EVA1A: variants seen among roughly 807,000 people sequenced by gnomAD.
EVA1A encodes protein eva-1 homolog A.
EVA1A carries 7 observed loss-of-function variants against 9.8 expected under a neutral mutation model. The observed-to-expected ratio is 0.71, with a 90% CI of 0.41 to 1.34. The LOEUF is 1.34. EVA1A is among the 40% of genes most tolerant of loss of function. The probability of loss-of-function intolerance (pLI) is 0.01; values close to 1 mark genes in which losing one functional copy is unlikely to be tolerated. For missense variants in EVA1A, 206 were observed against 205.9 expected, an observed-to-expected ratio of 1.00 and a Z score of 0.00; for synonymous variants, 90 against 85.6, an observed-to-expected ratio of 1.05 and a Z score of -0.28.
chr2:75,507,801 T>A (rs546118577), intron 3 of EVA1A, among the ~76,000 whole-genome samples: 1 of 152,284 alleles, frequency 6.6e-6, no homozygotes, highest in East Asian at 1.9e-4. Flanking sequence ...CTATACCTGC[T>A]GATCAGAGCC....
At chr2:75,501,878 C>G (rs1674437793) in intron 3 of EVA1A, among the ~76,000 whole-genome samples, 2 of 152,186 alleles carry the variant, frequency 1.3e-5, no homozygotes, top group Non-Finnish European at 2.9e-5. Context: ...CACCATGAAG[C>G]CTTGAAGAGA....
At chr2:75,539,168 C>A (rs1375537863) in intron 1 of EVA1A, among the ~76,000 whole-genome samples, 1 of 152,112 alleles carries the variant, frequency 6.6e-6, no homozygotes, top group Non-Finnish European at 1.5e-5. Flanking sequence ...AAAGTTCAAC[C>A]AGGATATTAG....
At chr2:75,513,623 G>A (rs1312568041) in intron 3 of EVA1A, among the ~76,000 whole-genome samples, 2 of 152,154 alleles carry the variant, frequency 1.3e-5, no homozygotes, top group Admixed American at 6.5e-5. Context: ...GTCAAGAAAT[G>A]CAGACAACCA....
chr2:75,515,764 A>G (rs972543217), intron 3 of EVA1A, among the ~76,000 whole-genome samples: 2 of 152,188 alleles, frequency 1.3e-5, no homozygotes, highest in African/African-American at 4.8e-5. Context: ...CCGTCTTCCT[A>G]AAGAGTACAA....
intron 3 of EVA1A, among the ~76,000 whole-genome samples, chr2:75,508,216 A>T (rs906735932): frequency 2.0e-5 from 3 of 152,214 alleles, no homozygotes; most frequent in Non-Finnish European, 4.4e-5. Flanking sequence ...CCTTGAAAAA[A>T]GAACAGGATA....
chr2:75,554,902 T>C lies in EVA1A; in HGVS notation c.-192+5778A>G, dbSNP rs112733104. Among the ~76,000 whole-genome samples, 498 of 152,318 alleles carry C rather than the reference T, an allele frequency of 3.3e-3. 2 individuals carry two copies. Among genetic ancestry groups the C allele is most frequent in the African/African-American group, 0.01 (420 of 41,568 alleles). On this transcript the variant is annotated intron_variant, in intron 1 of 3. Transcript: ENST00000393913. ...CATATCTTCTCTGTCATGGCACTAA[T>C]CCACCACACTGTGTTGTCTGTTTTC...
At chr2:75,550,196 G>T (rs1676472769) in intron 1 of EVA1A, among the ~76,000 whole-genome samples, 1 of 152,126 alleles carries the variant, frequency 6.6e-6, no homozygotes, top group Non-Finnish European at 1.5e-5. Context: ...AAATGGCAGT[G>T]GTCAAATCCT....
At chr2:75,561,161 C>T (rs71418777), upstream of EVA1A, 54,810 of 151,976 alleles carry the variant, frequency 0.36, 10,166 homozygotes, top group African/African-American at 0.42. Context: ...GCCGACTGTC[C>T]GCAGGACCGG....
At chr2:75,555,684 A>T (rs61654699) in intron 1 of EVA1A, among the ~76,000 whole-genome samples, 9,192 of 152,132 alleles carry the variant, frequency 0.06, 936 homozygotes, top group African/African-American at 0.21. Flanking sequence ...CTGAGCTTTA[A>T]ATGCCCACTC....
intron 1 of EVA1A, among the ~76,000 whole-genome samples, chr2:75,527,292 C>A (rs1347389372): frequency 6.6e-6 from 1 of 152,200 alleles, no homozygotes; most frequent in Non-Finnish European, 1.5e-5. Context: ...TCAGAGAAGG[C>A]ACAAGGGGAG....
chr2:75,512,792 T>C (rs1443895794), intron 3 of EVA1A, among the ~76,000 whole-genome samples: 2 of 152,188 alleles, frequency 1.3e-5, no homozygotes, highest in African/African-American at 2.4e-5. Flanking sequence ...CATTGTAGGA[T>C]GCTTCTCCAC....
At chr2:75,518,030 T>C in intron 3 of EVA1A, 26 bp downstream of exon 3, 2 of 1,613,434 alleles carry the variant, frequency 1.2e-6, no homozygotes, top group Non-Finnish European at 1.7e-6. Context: ...ACCTCAGTCC[T>C]GGCCCAGTGG....
At chr2:75,565,133 G>C (rs1436704846), upstream of EVA1A, among the ~76,000 whole-genome samples, 1 of 152,176 alleles carries the variant, frequency 6.6e-6, no homozygotes, top group Non-Finnish European at 1.5e-5. Flanking sequence ...ATTTCCTGGA[G>C]ACTGCTCGCC....
intron 3 of EVA1A, among the ~76,000 whole-genome samples, chr2:75,505,003 G>A (rs897376714): frequency 1.3e-5 from 2 of 152,114 alleles, no homozygotes; most frequent in South Asian, 2.1e-4. Context: ...CCCTTCCACA[G>A]GCAATAGGCA....
At chr2:75,555,311 CTCT>C (rs1558693540) in intron 1 of EVA1A, among the ~76,000 whole-genome samples, 1 of 144,436 alleles carries the variant, frequency 6.9e-6, no homozygotes. Context: ...ATCTCTCTCT[CTCT>C]CTCTCTCTCT....
chr2:75,551,151 C>CA (rs1181549246), intron 1 of EVA1A, among the ~76,000 whole-genome samples: 4 of 151,058 alleles, frequency 2.6e-5, no homozygotes, highest in South Asian at 2.1e-4. Flanking sequence ...CAAAAAAAAC[C>CA]AAAAAAAACG....
At chr2:75,564,820 T>A (rs1676996253), upstream of EVA1A, among the ~76,000 whole-genome samples, 1 of 152,192 alleles carries the variant, frequency 6.6e-6, no homozygotes, top group African/African-American at 2.4e-5. Context: ...ACAAGCTCAT[T>A]GTGGCAAATA....
intron 1 of EVA1A, among the ~76,000 whole-genome samples, chr2:75,544,868 G>C (rs752125799): frequency 3.9e-4 from 59 of 152,110 alleles, no homozygotes; most frequent in African/African-American, 9.7e-5. Flanking sequence ...AAGGTATCTT[G>C]TTTAAAAGTG....
chr2:75,539,450 TC>T (rs1215236833), intron 1 of EVA1A, among the ~76,000 whole-genome samples: 1 of 152,212 alleles, frequency 6.6e-6, no homozygotes, highest in Admixed American at 6.5e-5. Flanking sequence ...CTCCCTGACT[TC>T]CCATTTCCTC....
Sources: allele counts gnomAD v4.1 joint callset (sites outside exome capture counted in the v4.1 genomes callset), GRCh38; gene constraint gnomAD v4.1.1; transcripts MANE v1.5; gene names NCBI Gene and HGNC (gene_info 2026-07-23, HGNC 2026-07-21).